The following GRK5 variants were observed in gnomAD, a reference collection of about 807,000 sequenced individuals.
GRK5 encodes G protein-coupled receptor kinase 5, also known as g protein-coupled receptor kinase GRK5.
Under a neutral mutation model 78.4 loss-of-function variants are expected in GRK5, and 40 were observed. That is an observed-to-expected ratio of 0.51 (90% CI 0.40 to 0.66). The LOEUF (loss-of-function observed/expected upper bound fraction) is 0.66, where lower values mean the gene tolerates loss of function less well. Among genes scored for constraint, GRK5 ranks in the 30% least tolerant of loss-of-function variants. The pLI, the probability that GRK5 is intolerant of heterozygous loss-of-function variation, is 0.00. For synonymous variants in GRK5, 289 were observed against 296.8 expected, an observed-to-expected ratio of 0.97 and a Z score of 0.27; for missense variants, 598 against 759.9, an observed-to-expected ratio of 0.79 and a Z score of 2.50.
In GRK5 at chr10:119,407,285, G is replaced by A. The variant is rs531086233; in HGVS notation, c.339+10513G>A. 1.9e-3 allele frequency among the ~76,000 whole-genome samples: 293 copies of A among 152,336 alleles called. 4 individuals are homozygous for A. The highest frequency in any genetic ancestry group is 3.2e-4 in the Non-Finnish European group (22 of 68,026). On this transcript the variant is annotated intron_variant, in intron 4 of 15. Coordinates refer to ENST00000392870, the MANE Select transcript of GRK5 (RefSeq NM_005308.3). ...ACTGAGGCCCCGAGAGGCCCAGCTTGGAAGAGGAGACTGGAATCTTCCTTG... is the reference window on the plus strand; with the variant it reads ...ACTGAGGCCCCGAGAGGCCCAGCTTAGAAGAGGAGACTGGAATCTTCCTTG...
intron 2 of GRK5, among the ~76,000 whole-genome samples, chr10:119,375,925 A>C (rs781041410): frequency 2.5e-4 from 38 of 152,176 alleles, no homozygotes; most frequent in Non-Finnish European, 2.2e-4. Flanking sequence ...CAAACCAATG[A>C]CTTCCTCTGT....
chr10:119,359,539 C>G (rs992182716), intron 2 of GRK5, among the ~76,000 whole-genome samples: 3 of 152,208 alleles, frequency 2.0e-5, no homozygotes, highest in Non-Finnish European at 4.4e-5. Context: ...ACCCACGAAG[C>G]CTTCCTCAGA....
intron 9 of GRK5, among the ~76,000 whole-genome samples, chr10:119,438,600 G>GA (rs1433863708): frequency 6.6e-6 from 1 of 151,550 alleles, no homozygotes; most frequent in Non-Finnish European, 1.5e-5. Context: ...TATTTAAAAA[G>GA]AAAAAAGAAA....
intron 1 of GRK5, among the ~76,000 whole-genome samples, chr10:119,317,638 G>A (rs991315594): frequency 6.6e-6 from 1 of 152,124 alleles, no homozygotes; most frequent in African/African-American, 2.4e-5. Flanking sequence ...ATCCTGCTGT[G>A]AGAAGAATGC....
In GRK5 at chr10:119,393,365, A is replaced by G. The variant is rs529789792; in HGVS notation, c.262-3330A>G. On this transcript the variant is annotated intron_variant, in intron 3 of 15. Transcript: ENST00000392870. ...CCGGGAGGCAGGTGACCTGAAAGGG[A>G]TGTTATTTTTTTAACGTGGGTTTTA... Among the ~76,000 whole-genome samples the G allele has an allele frequency of 3.9e-5, 6 of 152,266 alleles. No homozygotes were observed. The South Asian group carries it at 1.2e-3, about 32-fold the overall frequency.
At chr10:119,389,524 T>A (rs1423124953) in intron 3 of GRK5, among the ~76,000 whole-genome samples, 1 of 152,180 alleles carries the variant, frequency 6.6e-6, no homozygotes, top group African/African-American at 2.4e-5. Context: ...ATCTGTGGGA[T>A]CATCCAGTCT....
intron 2 of GRK5, among the ~76,000 whole-genome samples, chr10:119,338,376 T>C (rs1850930013): frequency 6.6e-6 from 1 of 152,174 alleles, no homozygotes; most frequent in African/African-American, 2.4e-5. Flanking sequence ...CACAGAAAAT[T>C]ATAAGGAAAG....
chr10:119,444,139 C>CT (rs1853096918), intron 12 of GRK5, among the ~76,000 whole-genome samples: 1 of 152,158 alleles, frequency 6.6e-6, no homozygotes, highest in Non-Finnish European at 1.5e-5. Flanking sequence ...CTCCTGCTCC[C>CT]TCCACCTCTG....
chr10:119,252,557 G>A (rs1849221271), intron 1 of GRK5, among the ~76,000 whole-genome samples: 1 of 152,150 alleles, frequency 6.6e-6, no homozygotes, highest in Non-Finnish European at 1.5e-5. Context: ...TCTACCCCGG[G>A]TAGCAGCACG....
intron 1 of GRK5, among the ~76,000 whole-genome samples, chr10:119,255,059 A>AAGGAAAAAC (rs1333349137): frequency 7.2e-6 from 1 of 138,468 alleles, no homozygotes. Flanking sequence ...AAAAAAAAAG[A>AAGGAAAAAC]AGGAAAAACA....
chr10:119,308,433 A>G (rs1850306283), intron 1 of GRK5, among the ~76,000 whole-genome samples: 1 of 152,194 alleles, frequency 6.6e-6, no homozygotes, highest in Non-Finnish European at 1.5e-5. Context: ...CTGTAGGGTC[A>G]TCTGTGACGT....
chr10:119,214,812 C>T (rs150930119), intron 1 of GRK5, among the ~76,000 whole-genome samples: 2 of 152,338 alleles, frequency 1.3e-5, no homozygotes, highest in East Asian at 1.9e-4. Flanking sequence ...TGAGCCACCA[C>T]GCCCGGCCAA....
intron 1 of GRK5, among the ~76,000 whole-genome samples, chr10:119,303,574 T>C (rs537770047): frequency 2.0e-5 from 3 of 152,208 alleles, no homozygotes; most frequent in African/African-American, 7.2e-5. Flanking sequence ...ACGGGAGGCA[T>C]TTGGACTTGA....
intron 1 of GRK5, among the ~76,000 whole-genome samples, chr10:119,325,089 C>T (rs912405566): frequency 1.3e-5 from 2 of 152,252 alleles, no homozygotes; most frequent in Non-Finnish European, 2.9e-5. Context: ...GAGCAGAGTT[C>T]TGGTCCCATT....
intron 5 of GRK5, 63 bp downstream of exon 5, chr10:119,423,329 C>CT (rs1454630967): frequency 8.9e-7 from 1 of 1,129,172 alleles, no homozygotes. Context: ...TGCCGCAGCT[C>CT]TCCACCTGAC....
In GRK5 at chr10:119,431,844, A is replaced by C. The variant is rs573026039; in HGVS notation, c.738+317A>C. 6.6e-6 allele frequency among the ~76,000 whole-genome samples: 1 copy of C among 152,242 alleles called. No individual in the cohort carries two copies. Among genetic ancestry groups the C allele is most frequent in the Non-Finnish European group, 1.5e-5 (1 of 68,036 alleles). On this transcript the variant is annotated intron_variant, in intron 8 of 15. Coordinates refer to ENST00000392870, the MANE Select transcript of GRK5 (RefSeq NM_005308.3). This position sits in a 1 kb window ranked among gnomAD's most constrained non-coding sequence, Gnocchi z 4.8. ...GGACAAAGAAAGTTCACCTGGGCCC[A>C]GGCTGGGAGCTGTGGGTTCCACAGA...
chr10:119,246,015 A>G (rs2133746925), intron 1 of GRK5, among the ~76,000 whole-genome samples: 1 of 121,282 alleles, frequency 8.2e-6, no homozygotes, highest in South Asian at 2.9e-4. Context: ...GCGAGACTCC[A>G]TCTCAAAAAA....
rs897599289 is a variant in GRK5 at position 119,458,576 on chromosome 10, T to C, written c.*3509T>C. ...AGCTGTGAGGCCTGGGTCATACACA[T>C]ACCAGCAAGCAGCTGCCGAGACAAA... On this transcript the variant is annotated 3_prime_UTR_variant, in exon 16 of 16. Transcript: ENST00000392870. 6.6e-6 allele frequency: 1 copy of C among 152,038 alleles called. No individual in the cohort carries two copies. Among genetic ancestry groups the C allele is most frequent in the African/African-American group, 2.4e-5 (1 of 41,370 alleles). 9.4% of individuals were successfully genotyped at this position (152,038 alleles called of 1,614,324 possible).
chr10:119,431,729 C>A lies in GRK5; in HGVS notation c.738+202C>A, dbSNP rs4752309. 6.6e-6 allele frequency among the ~76,000 whole-genome samples: 1 copy of A among 152,350 alleles called. No individual in the cohort carries two copies. The highest frequency in any genetic ancestry group is 2.4e-5 in the African/African-American group (1 of 41,592). On this transcript the variant is annotated intron_variant, in intron 8 of 15. Transcript: ENST00000392870. The surrounding 1 kb of genome is among the most constrained non-coding windows in gnomAD (Gnocchi z 4.8). ...TGTGGTCGACTGTGGCTGGCTTTGT[C>A]CCATCCCCAGAGCCGGCCAGTGCCT... is the stretch of plus-strand genomic sequence containing the variant.
Sources: allele counts gnomAD v4.1 joint callset (sites outside exome capture counted in the v4.1 genomes callset), GRCh38; gene constraint gnomAD v4.1.1; non-coding constraint Gnocchi (gnomAD v3.1); transcripts MANE v1.5; gene names NCBI Gene and HGNC (gene_info 2026-07-23, HGNC 2026-07-21).